The following JAKMIP2 variants were observed in gnomAD, a reference collection of about 807,000 sequenced individuals.
The protein encoded by JAKMIP2 is janus kinase and microtubule interacting protein 2.
JAKMIP2 carries 25 observed loss-of-function variants against 115.0 expected under a neutral mutation model. The ratio of observed to expected loss-of-function variants is 0.22; its 90% CI spans 0.16 to 0.30. JAKMIP2 has a LOEUF of 0.30. Ranked by LOEUF, JAKMIP2 falls within the 10% of genes least tolerant of loss-of-function variation. JAKMIP2 has a pLI of 1.00. For synonymous variants in JAKMIP2, 334 were observed against 343.6 expected (o/e 0.97, Z 0.31); for missense variants, 642 against 957.6 (o/e 0.67, Z 4.35).
chr5:147,614,977 A>G (rs1756499735), intron 19 of JAKMIP2, among the ~76,000 whole-genome samples: 1 of 152,162 alleles, frequency 6.6e-6, no homozygotes, highest in African/African-American at 2.4e-5. Context: ...CAGCCAACCT[A>G]AAGTGGCCAA....
At chr5:147,770,822 A>G (rs1020990398) in intron 1 of JAKMIP2, among the ~76,000 whole-genome samples, 3 of 152,170 alleles carry the variant, frequency 2.0e-5, no homozygotes, top group African/African-American at 7.2e-5. Context: ...TTAAAAATAT[A>G]TTTAATGCCT....
intron 1 of JAKMIP2, among the ~76,000 whole-genome samples, chr5:147,703,463 A>G (rs1468957116): frequency 6.6e-6 from 1 of 152,160 alleles, no homozygotes; most frequent in African/African-American, 2.4e-5. Flanking sequence ...CGAATAAGTG[A>G]GTGGTGAGTG....
rs1409726375 is a variant in JAKMIP2 at position 147,598,659 on chromosome 5, C to CT, written c.*20+3081dup. Among the ~76,000 whole-genome samples, 3 of 152,152 alleles carry CT rather than the reference C, an allele frequency of 2.0e-5. No individual in the cohort carries two copies. In the East Asian group the frequency reaches 5.8e-4, roughly 29 times the overall value. ...TGCAGTTATTTAGTCAATGCCAGCA[C>CT]TGAGTCCAGTAAGGGTGCCTTCTAG... is the stretch of plus-strand genomic sequence containing the variant. On this transcript the variant is annotated intron_variant, in intron 21 of 21. Coordinates refer to ENST00000616793, the MANE Select transcript of JAKMIP2 (RefSeq NM_001270941.2).
chr5:147,624,418 A>C (rs1757003454), intron 16 of JAKMIP2, among the ~76,000 whole-genome samples: 1 of 152,198 alleles, frequency 6.6e-6, no homozygotes, highest in Non-Finnish European at 1.5e-5. Flanking sequence ...CATGTCCAAT[A>C]GCTCTATTGT....
At chr5:147,602,754 A>T (rs1300656216) in intron 20 of JAKMIP2, among the ~76,000 whole-genome samples, 1 of 152,208 alleles carries the variant, frequency 6.6e-6, no homozygotes, top group African/African-American at 2.4e-5. Context: ...TTACTTGATT[A>T]TCACACTCCA....
At position 147,736,249 on chromosome 5, in the gene JAKMIP2, A is replaced by T. The variant is rs549138832; in HGVS notation, c.-149+46207T>A. On this transcript the variant is annotated intron_variant, in intron 1 of 21. Coordinates refer to ENST00000616793, the MANE Select transcript of JAKMIP2 (RefSeq NM_001270941.2). Reference sequence around the variant, plus strand: ...GGCAGGTGGATCACTTGAGATCAGGAGGTCAAGACCAGCCTGGCCAACATA... The same window carrying T: ...GGCAGGTGGATCACTTGAGATCAGGTGGTCAAGACCAGCCTGGCCAACATA... Among the ~76,000 whole-genome samples the T allele has an allele frequency of 9.1e-4, 139 of 152,082 alleles. 2 individuals are homozygous for T. In the South Asian group the frequency reaches 0.028, roughly 30 times the overall value.
At chr5:147,762,401 C>A (rs1251893067) in intron 1 of JAKMIP2, among the ~76,000 whole-genome samples, 1 of 152,046 alleles carries the variant, frequency 6.6e-6, no homozygotes, top group Non-Finnish European at 1.5e-5. Context: ...TAACAAAATA[C>A]CATCAACCAG....
At chr5:147,677,799 C>A (rs552429890) in intron 1 of JAKMIP2, among the ~76,000 whole-genome samples, 1 of 152,140 alleles carries the variant, frequency 6.6e-6, no homozygotes, top group African/African-American at 2.4e-5. Flanking sequence ...TTATCATATG[C>A]ATTAACTCAC....
chr5:147,707,988 A>ACATCTTT (rs1464298276), intron 1 of JAKMIP2, among the ~76,000 whole-genome samples: 4 of 152,202 alleles, frequency 2.6e-5, no homozygotes, highest in Non-Finnish European at 4.4e-5. Context: ...AGATTGTGAG[A>ACATCTTT]GAAGAGGGCA....
At chr5:147,706,811 C>T (rs974900831) in intron 1 of JAKMIP2, among the ~76,000 whole-genome samples, 4 of 152,050 alleles carry the variant, frequency 2.6e-5, no homozygotes, top group African/African-American at 4.8e-5. Flanking sequence ...AAAAAATCTA[C>T]AATCTGAAAC....
chr5:147,595,169 A>T (rs1755304795), intron 21 of JAKMIP2, among the ~76,000 whole-genome samples: 1 of 152,180 alleles, frequency 6.6e-6, no homozygotes, highest in Non-Finnish European at 1.5e-5. Flanking sequence ...TCAGAAAAAT[A>T]ATGGGTGCTA....
intron 1 of JAKMIP2, among the ~76,000 whole-genome samples, chr5:147,674,344 T>A (rs571596887): frequency 7.2e-5 from 11 of 152,232 alleles, no homozygotes; most frequent in African/African-American, 2.4e-4. Flanking sequence ...GAACACAGAG[T>A]AAAAAAGGAG....
chr5:147,617,028 A>G (rs1016279890), intron 19 of JAKMIP2, among the ~76,000 whole-genome samples: 5 of 152,190 alleles, frequency 3.3e-5, no homozygotes, highest in Non-Finnish European at 5.9e-5. Context: ...AGGATTGAAT[A>G]CTATAACCTG....
chr5:147,664,164 T>C (rs556056377), intron 2 of JAKMIP2, among the ~76,000 whole-genome samples: 1 of 152,316 alleles, frequency 6.6e-6, no homozygotes, highest in Admixed American at 6.5e-5. Flanking sequence ...GGCTTGCATT[T>C]GGGATTCACA....
In JAKMIP2 at chr5:147,742,155, A is replaced by ATATATATATATATATATATATATTT; in HGVS notation, c.-149+40300_-149+40301insAAATATATATATATATATATATATA. Among the ~76,000 whole-genome samples the ATATATATATATATATATATATATTT allele has an allele frequency of 2.1e-4, 23 of 108,894 alleles. 1 individual carries two copies. The East Asian group carries it at 3.9e-3, about 19-fold the overall frequency. 71.4% of individuals were successfully genotyped at this position (108,894 alleles called of 152,430 possible). A position where few individuals can be genotyped will look rare whatever the true frequency, so the allele number is the denominator to read the frequency against. On this transcript the variant is annotated intron_variant, in intron 1 of 21. Coordinates refer to ENST00000616793, the MANE Select transcript of JAKMIP2 (RefSeq NM_001270941.2). ...TGTGGATCATTATATATATATATAT[A>ATATATATATATATATATATATATTT]TTTTTTTTACTATTGTATTGTATCT... is the stretch of plus-strand genomic sequence containing the variant.
At chr5:147,686,789 T>G (rs1760594265) in intron 1 of JAKMIP2, among the ~76,000 whole-genome samples, 1 of 152,228 alleles carries the variant, frequency 6.6e-6, no homozygotes, top group African/African-American at 2.4e-5. Context: ...ACTTAAAAAT[T>G]GAGCAATATA....
chr5:147,613,616 T>C (rs1756434403), intron 19 of JAKMIP2, among the ~76,000 whole-genome samples: 1 of 152,196 alleles, frequency 6.6e-6, no homozygotes. Context: ...TCTAAATGTC[T>C]TGACATTTTT....
At chr5:147,750,595 A>C (rs565508487) in intron 1 of JAKMIP2, among the ~76,000 whole-genome samples, 2 of 109,128 alleles carry the variant, frequency 1.8e-5, no homozygotes, top group Non-Finnish European at 4.0e-5. Context: ...CACACACACA[A>C]AAGAAACCTA....
At chr5:147,763,418 A>G (rs566695519) in intron 1 of JAKMIP2, among the ~76,000 whole-genome samples, 1 of 152,050 alleles carries the variant, frequency 6.6e-6, no homozygotes, top group Admixed American at 6.6e-5. Flanking sequence ...CTACACGCAC[A>G]CTGTTGAAGG....
Sources: gnomAD v4.1 joint callset for allele counts (sites outside exome capture counted in the v4.1 genomes callset) on GRCh38, gnomAD v4.1.1 for gene constraint, MANE v1.5 for transcripts, NCBI Gene and HGNC (gene_info 2026-07-23, HGNC 2026-07-21) for gene names.